SMG1: variants seen among roughly 807,000 people sequenced by gnomAD.
SMG1 encodes the protein serine/threonine-protein kinase SMG1.
SMG1 carries 22 observed loss-of-function variants against 419.9 expected under a neutral mutation model. The ratio of observed to expected loss-of-function variants is 0.05; its 90% confidence interval spans 0.04 to 0.07. The LOEUF (loss-of-function observed/expected upper bound fraction) is 0.07. Among genes scored for constraint, SMG1 ranks in the 10% least tolerant of loss-of-function variants. SMG1 has a pLI of 1.00. For synonymous variants in SMG1, 1,538 were observed against 1,553.5 expected (o/e 0.99, Z 0.23); for missense variants, 3,185 against 4,342.0 (o/e 0.73, Z 7.49).
intron 9 of SMG1, among the ~76,000 whole-genome samples, chr16:18,882,794 G>A (rs1035228592): frequency 6.6e-6 from 1 of 152,190 alleles, no homozygotes; most frequent in African/African-American, 2.4e-5. Flanking sequence ...CTGGTCTACA[G>A]ATGTGTAATT....
intron 55 of SMG1, among the ~76,000 whole-genome samples, chr16:18,820,152 G>C (rs528478592): frequency 6.6e-6 from 1 of 152,190 alleles, no homozygotes; most frequent in Admixed American, 6.5e-5. Flanking sequence ...TTTTAGTAAA[G>C]ACGGAGTTTT....
At chr16:18,818,034 T>C (rs932358911) in intron 56 of SMG1, among the ~76,000 whole-genome samples, 8 of 151,138 alleles carry the variant, frequency 5.3e-5, no homozygotes, top group African/African-American at 1.9e-4. Flanking sequence ...CCCAGGTAGC[T>C]AGTCTCCCAG....
Position 18,830,244 on chromosome 16 carries a change from G to A in SMG1, c.8918C>T (p.Thr2973Ile). ...AFDGMFAQVE[T>I]AFSLLVEKLN... ...CTTTTCAACTAATAAGCTGAAAGCAGTTTCAACTTGAGCAAACATGCCATC... is the reference window on the plus strand; with the variant it reads ...CTTTTCAACTAATAAGCTGAAAGCAATTTCAACTTGAGCAAACATGCCATC... The change falls in exon 52 of 63, where the codon ACT (threonine) becomes ATT (isoleucine). Residue 2973 changes from threonine to isoleucine, a missense_variant. Around this residue, in one of 27 missense-constraint regions of SMG1, gnomAD observed 737 missense variants for 846.6 expected, o/e 0.87. Coordinates refer to ENST00000446231, the MANE Select transcript of SMG1 (RefSeq NM_015092.5). 1 of 1,613,882 alleles carries A rather than the reference G, an allele frequency of 6.2e-7. No homozygotes were observed.
At chr16:18,845,712 C>T (rs899113114) in intron 38 of SMG1, 61 bp from the exon 39 acceptor site, 45 of 1,266,330 alleles carry the variant, frequency 3.6e-5, no homozygotes, top group Non-Finnish European at 5.0e-5. Flanking sequence ...TTTACACAAA[C>T]ATGCAACAAT....
chr16:18,885,864 T>C (rs905703688), intron 6 of SMG1, among the ~76,000 whole-genome samples, 198 bp from the exon 7 acceptor site: 2 of 152,022 alleles, frequency 1.3e-5, no homozygotes, highest in African/African-American at 4.8e-5. Context: ...AAGAATCGCT[T>C]GAACCCAGGA....
chr16:18,870,222 A>AGGGAGGTTTTAT (rs2035742147), intron 18 of SMG1, among the ~76,000 whole-genome samples: 1 of 152,238 alleles, frequency 6.6e-6, no homozygotes, highest in Non-Finnish European at 1.5e-5. Flanking sequence ...CATATCAAAC[A>AGGGAGGTTTTAT]TGTGAAAATA....
In SMG1 at chr16:18,836,010, T is replaced by C; in HGVS notation, c.7980A>G (p.Arg2660=). Residue 2660 remains arginine (R), a synonymous_variant, in exon 48 of 63, where the codon CGA becomes CGG. Coordinates refer to ENST00000446231, the MANE Select transcript of SMG1 (RefSeq NM_015092.5). ...CCATCCAGGTCTTCCACTGTTCAAT[T>C]CGATGTTTCTGAAATATGGCCTTCG... ...QYPKAIFQKH[R]IEQWKTWMEE... 3.8e-6 allele frequency: 6 copies of C among 1,563,886 alleles called. No individual in the cohort carries two copies. Among genetic ancestry groups the C allele is most frequent in the South Asian group, 3.5e-5 (3 of 84,796 alleles).
At position 18,925,983 on chromosome 16, in the gene SMG1, T is replaced by G; in HGVS notation, c.59A>C (p.Lys20Thr). The G allele has an allele frequency of 1.9e-6, 3 of 1,577,832 alleles. No homozygotes were observed. Among genetic ancestry groups the G allele is most frequent in the Non-Finnish European group, 1.7e-6 (2 of 1,168,278 alleles). ...LSSGGGGGGT[K>T]YPRSWNDWQP... ...CCAGTCATTCCAGCTCCGCGGATAC[T>G]TGGTGCCGCCGCCGCCGCCGCCGCT... Residue 20 changes from lysine (K) to threonine (T), a missense_variant, in exon 1 of 63, where the codon AAG becomes ACG. Lys to Thr is a moderately conservative substitution (Grantham distance 78, BLOSUM62 -1). Coordinates refer to ENST00000446231, the MANE Select transcript of SMG1 (RefSeq NM_015092.5).
rs2034334269 is a variant in SMG1 at position 18,847,511 on chromosome 16, G to C, written c.5938C>G (p.Arg1980Gly). 2.5e-6 allele frequency: 4 copies of C among 1,613,852 alleles called. No individual in the cohort carries two copies. The highest frequency in any genetic ancestry group is 2.5e-6 in the Non-Finnish European group (3 of 1,179,900). Residue 1980 changes from arginine to glycine, a missense_variant, in exon 38 of 63, where the codon CGA (arginine) becomes GGA (glycine). Arg to Gly is a moderately radical substitution (Grantham distance 125, BLOSUM62 -2). This residue lies in a region of SMG1 where 2 missense variants were observed against 16.3 expected (regional missense o/e 0.12). Transcript: ENST00000446231. Reference sequence around the variant, plus strand: ...ACCTCATCTTCAAGCTGCTGAATTCGTCTCAGGACATACATGTGTTGTTGC... The same window carrying C: ...ACCTCATCTTCAAGCTGCTGAATTCCTCTCAGGACATACATGTGTTGTTGC... ...LLQQHMYVLRRIQQLEDEVKR... is the reference protein window; with the variant it reads ...LLQQHMYVLRGIQQLEDEVKR...
rs375407025 is a variant in SMG1 at position 18,891,098 on chromosome 16, TGAAA to T, written c.550-181_550-178del. On this transcript the variant is annotated intron_variant, in intron 4 of 62. Coordinates refer to ENST00000446231, the MANE Select transcript of SMG1 (RefSeq NM_015092.5). The stretch of plus-strand genomic sequence containing the variant: ...GAATGTCATGTTTCCTTTCAGACTA[TGAAA>T]GAAATTCACCCACTGGAAACACAGA... 7.4e-3 allele frequency among the ~76,000 whole-genome samples: 1,126 copies of T among 152,268 alleles called. 11 individuals carry two copies. Among genetic ancestry groups the T allele is most frequent in the Non-Finnish European group, 0.01 (692 of 68,014 alleles).
At chr16:18,844,474 T>TACAC (rs71141074) in intron 39 of SMG1, among the ~76,000 whole-genome samples, 16 of 4,170 alleles carry the variant, frequency 3.8e-3, no homozygotes, top group East Asian at 0.013. Context: ...CCCGCCCACC[T>TACAC]ACACACACAC....
In SMG1 at chr16:18,815,219, G is replaced by T; in HGVS notation, c.10577C>A (p.Ser3526Ter). The T allele has an allele frequency of 6.3e-7, 1 of 1,596,396 alleles. No individual in the cohort carries two copies. Among genetic ancestry groups the T allele is most frequent in the South Asian group, 1.1e-5 (1 of 87,768 alleles). ...ATAAGTAGCAGATGACGTTGGACTC[G>T]AACATTCATTTGTTGCATCGGTGAC... The part of the protein sequence containing the change: ...PLVTDATNEC[S>*]SPTSSATYQP... The change falls in exon 60 of 63, where the codon TCG (serine) becomes TAG (stop). Residue 3526 changes from serine (S) to a stop codon, truncating the protein, a stop_gained. Coordinates refer to ENST00000446231, the MANE Select transcript of SMG1 (RefSeq NM_015092.5). LOFTEE classifies it high-confidence loss of function.
chr16:18,898,026 G>C (rs966144909), intron 1 of SMG1, among the ~76,000 whole-genome samples: 1 of 152,176 alleles, frequency 6.6e-6, no homozygotes, highest in African/African-American at 2.4e-5. Flanking sequence ...ATTCCTCTAT[G>C]CTTTGCCCCT....
At chr16:18,842,644 G>A (rs1404437015) in intron 39 of SMG1, among the ~76,000 whole-genome samples, 190 bp from the exon 40 acceptor site, 1 of 152,078 alleles carries the variant, frequency 6.6e-6, no homozygotes, top group Non-Finnish European at 1.5e-5. Context: ...GAGCAACATG[G>A]CAAAACCCCA....
At chr16:18,840,012 T>A (rs1280448444) in intron 41 of SMG1, 66 bp from the exon 42 acceptor site, 8 of 1,298,292 alleles carry the variant, frequency 6.2e-6, no homozygotes, top group Non-Finnish European at 8.4e-6. Context: ...AGAGTGCCTT[T>A]TGTATGTAAA....
At chr16:18,821,024 C>A (rs1200951889) in intron 55 of SMG1, among the ~76,000 whole-genome samples, 1 of 152,130 alleles carries the variant, frequency 6.6e-6, no homozygotes, top group Non-Finnish European at 1.5e-5. Context: ...TTAGGCATCA[C>A]AAAATTCCAT....
intron 1 of SMG1, among the ~76,000 whole-genome samples, chr16:18,920,413 T>G (rs138953385): frequency 1.2e-4 from 17 of 144,934 alleles, no homozygotes; most frequent in African/African-American, 1.5e-4. Context: ...TGGGGTGAGG[T>G]GAAGGTTCAA....
rs776555902 is a variant in SMG1 at position 18,926,010 on chromosome 16, C to T, written c.32G>A (p.Ser11Asn). 2.6e-4 allele frequency: 415 copies of T among 1,580,500 alleles called. 4 individuals are homozygous for T. The highest frequency in any genetic ancestry group is 1.7e-5 in the Admixed American group (1 of 57,840). The change falls in exon 1 of 63, where the codon AGC becomes AAC. Residue 11 changes from serine (S) to asparagine (N), a missense_variant. Coordinates refer to ENST00000446231, the MANE Select transcript of SMG1 (RefSeq NM_015092.5). Reference protein sequence around the residue: MSRRAPGSRLSSGGGGGGTKY... With the variant: MSRRAPGSRLNSGGGGGGTKY... ...GGTGCCGCCGCCGCCGCCGCCGCTGCTCAGCCGAGACCCCGGGGCTCTGCG... is the reference window on the plus strand; with the variant it reads ...GGTGCCGCCGCCGCCGCCGCCGCTGTTCAGCCGAGACCCCGGGGCTCTGCG...
chr16:18,843,345 G>A (rs188315234), intron 39 of SMG1, among the ~76,000 whole-genome samples: 232 of 152,302 alleles, frequency 1.5e-3, no homozygotes, highest in Non-Finnish European at 2.4e-3. Flanking sequence ...TAACCATTTA[G>A]GTCTGACCAC....
Sources: allele counts gnomAD v4.1 joint callset (sites outside exome capture counted in the v4.1 genomes callset), GRCh38; gene constraint gnomAD v4.1.1; regional missense constraint gnomAD v4.1.1; transcripts MANE v1.5; gene names NCBI Gene and HGNC (gene_info 2026-07-23, HGNC 2026-07-21).